TMC1: variants seen among roughly 807,000 people sequenced by gnomAD.
TMC1 encodes transmembrane channel-like protein 1.
A neutral mutation model predicts 105.8 loss-of-function variants in TMC1; 84 were observed. That is an observed-to-expected ratio of 0.79 (90% CI 0.67 to 0.95). The LOEUF (loss-of-function observed/expected upper bound fraction) is 0.95. TMC1 is among the 40% of genes least tolerant of loss of function. The pLI is 0.00. For synonymous variants in TMC1, 315 were observed against 311.5 expected, an observed-to-expected ratio of 1.01 and a Z score of -0.12; for missense variants, 817 against 914.1, an observed-to-expected ratio of 0.89 and a Z score of 1.37.
At chr9:72,790,523 T>C (rs150859836) in intron 15 of TMC1, among the ~76,000 whole-genome samples, 2 of 152,314 alleles carry the variant, frequency 1.3e-5, no homozygotes, top group East Asian at 3.9e-4. Context: ...TAATAGTACA[T>C]AGAGGTAACA....
At chr9:72,531,212 A>G (rs1228786055) in intron 1 of TMC1, among the ~76,000 whole-genome samples, 6 of 152,144 alleles carry the variant, frequency 3.9e-5, no homozygotes, top group Non-Finnish European at 7.4e-5. Context: ...TTTATCTAAT[A>G]ATTCCAGTAT....
chr9:72,529,267 G>C (rs1022688518), intron 1 of TMC1, among the ~76,000 whole-genome samples: 3 of 152,060 alleles, frequency 2.0e-5, no homozygotes, highest in Non-Finnish European at 4.4e-5. Context: ...AGGACTGCAT[G>C]AGAAAGGCCA....
chr9:72,838,096 G>A lies in TMC1; in HGVS notation c.*2123G>A, dbSNP rs1193116354. The A allele has an allele frequency of 6.6e-6, 1 of 152,184 alleles. No homozygotes were observed. Among genetic ancestry groups the A allele is most frequent in the Non-Finnish European group, 1.5e-5 (1 of 68,036 alleles). The allele number at this position is 152,184 out of a possible 1,614,324, so 9.4% of individuals were successfully genotyped here. On this transcript the variant is annotated 3_prime_UTR_variant, in exon 24 of 24. Coordinates refer to ENST00000297784, the MANE Select transcript of TMC1 (RefSeq NM_138691.3). ...CCTAGTATAGTGCTGTGCACAAGTA[G>A]GCGCTGAATAAATGCTTGCTAATTA...
intron 13 of TMC1, among the ~76,000 whole-genome samples, chr9:72,787,117 C>G (rs1432834546): frequency 6.6e-6 from 1 of 151,780 alleles, no homozygotes; most frequent in African/African-American, 2.4e-5. Context: ...CTTGACTTAT[C>G]TCTGTGGTTC....
At chr9:72,565,200 C>T (rs1181262211) in intron 1 of TMC1, among the ~76,000 whole-genome samples, 1 of 152,196 alleles carries the variant, frequency 6.6e-6, no homozygotes, top group Admixed American at 6.5e-5. Context: ...AGGAACACAA[C>T]ATATTGATGC....
rs182547500 is a variant in TMC1 at position 72,555,569 on chromosome 9, C to A, written c.-427-22333C>A. Among the ~76,000 whole-genome samples the A allele has an allele frequency of 3.5e-4, 53 of 152,090 alleles. No homozygotes were observed. In the East Asian group the frequency reaches 6.2e-3, roughly 18 times the overall value. ...TGTGGATGGTAGGAGAAATCCCATGCGAATAAGTGGAATATGTTAGTAACT... is the reference window on the plus strand; with the variant it reads ...TGTGGATGGTAGGAGAAATCCCATGAGAATAAGTGGAATATGTTAGTAACT... On this transcript the variant is annotated intron_variant, in intron 1 of 23. Transcript: ENST00000297784.
chr9:72,781,055 C>T lies in TMC1; in HGVS notation c.885-7284C>T, dbSNP rs550293367. Reference sequence around the variant, plus strand: ...AAATGACACAAACTATAAAATCAACCACATGCTCACTCATAAAGCAATTCT... The same window carrying T: ...AAATGACACAAACTATAAAATCAACTACATGCTCACTCATAAAGCAATTCT... On this transcript the variant is annotated intron_variant, in intron 13 of 23. Coordinates refer to ENST00000297784, the MANE Select transcript of TMC1 (RefSeq NM_138691.3). 1.8e-4 allele frequency among the ~76,000 whole-genome samples: 27 copies of T among 152,220 alleles called. 1 individual carries two copies. The South Asian group carries it at 5.4e-3, about 30-fold the overall frequency.
intron 3 of TMC1, among the ~76,000 whole-genome samples, chr9:72,622,420 G>T (rs961946051): frequency 6.6e-6 from 1 of 152,204 alleles, no homozygotes; most frequent in Non-Finnish European, 1.5e-5. Context: ...CTGAATCTCA[G>T]CCTTGGGGCA....
At chr9:72,791,547 G>T (rs1418110564) in intron 15 of TMC1, among the ~76,000 whole-genome samples, 1 of 152,080 alleles carries the variant, frequency 6.6e-6, no homozygotes, top group African/African-American at 2.4e-5. Flanking sequence ...TGGAAATCTT[G>T]TTGTGAAGTG....
chr9:72,652,109 A>G (rs1055240027), intron 5 of TMC1, among the ~76,000 whole-genome samples: 2 of 152,118 alleles, frequency 1.3e-5, no homozygotes, highest in African/African-American at 4.8e-5. Flanking sequence ...TTGTTGTAGG[A>G]GGGAGGTGGT....
At chr9:72,551,412 T>C (rs1823858260) in intron 1 of TMC1, among the ~76,000 whole-genome samples, 1 of 152,178 alleles carries the variant, frequency 6.6e-6, no homozygotes, top group African/African-American at 2.4e-5. Context: ...AAAGCACCCC[T>C]ATGCTCTGAG....
intron 2 of TMC1, among the ~76,000 whole-genome samples, chr9:72,606,483 C>T (rs898842027): frequency 3.9e-5 from 6 of 152,082 alleles, no homozygotes; most frequent in African/African-American, 1.4e-4. Context: ...CATTGGTGGT[C>T]ATCTTTGAGG....
intron 4 of TMC1, among the ~76,000 whole-genome samples, chr9:72,629,797 A>G (rs1170253835): frequency 6.6e-6 from 1 of 152,174 alleles, no homozygotes; most frequent in Non-Finnish European, 1.5e-5. Context: ...TACATTTGGG[A>G]TGATCATAAC....
At chr9:72,676,567 A>C (rs1826205861) in intron 5 of TMC1, among the ~76,000 whole-genome samples, 1 of 152,176 alleles carries the variant, frequency 6.6e-6, no homozygotes, top group Non-Finnish European at 1.5e-5. Flanking sequence ...AATTAGCCAC[A>C]GTACAGGATG....
chr9:72,827,117 A>G (rs1008274758), intron 21 of TMC1, 123 bp downstream of exon 21: 96 of 1,266,912 alleles, frequency 7.6e-5, no homozygotes, highest in Non-Finnish European at 1.0e-4. Context: ...TCCAAATTCA[A>G]CACTGATTAC....
chr9:72,705,345 C>T (rs1826721077), intron 8 of TMC1, among the ~76,000 whole-genome samples: 1 of 152,198 alleles, frequency 6.6e-6, no homozygotes, highest in African/African-American at 2.4e-5. Context: ...AAAATTGAGA[C>T]TTGGACTTTG....
At chr9:72,706,869 G>A (rs1050864480) in intron 8 of TMC1, among the ~76,000 whole-genome samples, 2 of 151,478 alleles carry the variant, frequency 1.3e-5, no homozygotes, top group African/African-American at 4.9e-5. Flanking sequence ...TTACCTGCCA[G>A]GTTCAAGCGA....
chr9:72,793,499 A>G (rs1192582563), intron 17 of TMC1, among the ~76,000 whole-genome samples: 1 of 152,208 alleles, frequency 6.6e-6, no homozygotes, highest in African/African-American at 2.4e-5. Context: ...TAGCTGTTCT[A>G]TGAAAATGTG....
At chr9:72,755,626 A>G (rs968488765) in intron 12 of TMC1, among the ~76,000 whole-genome samples, 1 of 152,162 alleles carries the variant, frequency 6.6e-6, no homozygotes, top group African/African-American at 2.4e-5. Context: ...AATTCCACAT[A>G]TTCTTTTTTT....
Sources: gnomAD v4.1 joint callset for allele counts (sites outside exome capture counted in the v4.1 genomes callset) on GRCh38, gnomAD v4.1.1 for gene constraint, MANE v1.5 for transcripts, NCBI Gene and HGNC (gene_info 2026-07-23, HGNC 2026-07-21) for gene names.